The following KIF26B variants were observed in gnomAD, a reference collection of about 807,000 sequenced individuals.
KIF26B encodes the protein kinesin-like protein KIF26B.
A neutral mutation model predicts 151.2 loss-of-function variants in KIF26B; 63 were observed. That is an observed-to-expected ratio of 0.42 (90% CI 0.34 to 0.51). KIF26B has a LOEUF of 0.51. Ranked by LOEUF, KIF26B falls within the 20% of genes least tolerant of loss-of-function variation. The pLI is 0.07. For missense variants in KIF26B, 2,813 were observed against 2,913.6 expected (o/e 0.97, Z 0.79); for synonymous variants, 1,357 against 1,262.1 (o/e 1.08, Z -1.59).
At chr1:245,322,106 C>A (rs1165593899) in intron 2 of KIF26B, among the ~76,000 whole-genome samples, 1 of 152,096 alleles carries the variant, frequency 6.6e-6, no homozygotes, top group African/African-American at 2.4e-5. Context: ...TCATTCTCAA[C>A]AAACTAACAC....
rs115038512 is a variant in KIF26B at position 245,299,401 on chromosome 1, G to A, written c.466-67433G>A. On this transcript the variant is annotated intron_variant, in intron 2 of 14. Coordinates refer to ENST00000407071, the MANE Select transcript of KIF26B (RefSeq NM_018012.4). ...AGGATAAAGGATAATTTCTGATGTC[G>A]TGCCAGCTTTTCCTCACCCAGCTGA... Among the ~76,000 whole-genome samples, 1,411 of 144,628 alleles carry A rather than the reference G, an allele frequency of 9.8e-3. 28 individuals carry two copies. Among genetic ancestry groups the A allele is most frequent in the African/African-American group, 0.034 (1,322 of 38,742 alleles). 94.9% of individuals were successfully genotyped at this position (144,628 alleles called of 152,430 possible).
At chr1:245,365,087 C>A (rs1179798498) in intron 2 of KIF26B, among the ~76,000 whole-genome samples, 2 of 152,200 alleles carry the variant, frequency 1.3e-5, no homozygotes, top group African/African-American at 4.8e-5. Flanking sequence ...CCCTCTGGGA[C>A]CTGTTTTTCT....
At chr1:245,360,885 A>G (rs1672803704) in intron 2 of KIF26B, among the ~76,000 whole-genome samples, 1 of 152,114 alleles carries the variant, frequency 6.6e-6, no homozygotes, top group African/African-American at 2.4e-5. Context: ...GTGGCGGTGA[A>G]CGCCTGTAGT....
chr1:245,361,991 G>T (rs1672829440), intron 2 of KIF26B, among the ~76,000 whole-genome samples: 1 of 151,624 alleles, frequency 6.6e-6, no homozygotes, highest in Admixed American at 6.6e-5. Context: ...GCTTCCCTCT[G>T]CGGTGGTCGT....
At chr1:245,364,948 A>G (rs911101314) in intron 2 of KIF26B, among the ~76,000 whole-genome samples, 1 of 152,200 alleles carries the variant, frequency 6.6e-6, no homozygotes, top group Admixed American at 6.5e-5. Context: ...TTCCTAGTGA[A>G]AACATGGGGC....
At position 245,698,944 on chromosome 1, in the gene KIF26B, G is replaced by C; in HGVS notation, c.6085G>C (p.Ala2029Pro). 6.2e-7 allele frequency: 1 copy of C among 1,614,018 alleles called. No homozygotes were observed. Among genetic ancestry groups the C allele is most frequent in the Non-Finnish European group, 8.5e-7 (1 of 1,179,886 alleles). ...KILEHRQQRI[A>P]EVRAKYEWLM... ...TCTGGAACACCGCCAGCAGAGGATCGCCGAGGTCCGCGCGAAGTACGAGTG... is the reference window on the plus strand; with the variant it reads ...TCTGGAACACCGCCAGCAGAGGATCCCCGAGGTCCGCGCGAAGTACGAGTG... The change falls in exon 14 of 15, where the codon GCC (alanine) becomes CCC (proline). Residue 2029 changes from alanine to proline, a missense_variant. Around this residue, in one of 3 missense-constraint regions of KIF26B, gnomAD observed 2,060 missense variants for 2,088.6 expected, o/e 0.99. Transcript: ENST00000407071. The surrounding 1 kb of genome is among the most constrained non-coding windows in gnomAD (Gnocchi z 4.0).
intron 2 of KIF26B, among the ~76,000 whole-genome samples, chr1:245,362,917 A>G (rs1487561939): frequency 6.6e-6 from 1 of 152,220 alleles, no homozygotes; most frequent in Non-Finnish European, 1.5e-5. Context: ...AAGTGCCAAT[A>G]AAAATTGGGA....
chr1:245,612,915 G>T (rs183841014), intron 9 of KIF26B, among the ~76,000 whole-genome samples: 18 of 152,234 alleles, frequency 1.2e-4, no homozygotes, highest in Non-Finnish European at 2.4e-4. Context: ...CCGGGCTGGG[G>T]TGCAATTCTC....
At chr1:245,688,839 G>A (rs754293130) in intron 12 of KIF26B, 32 bp downstream of exon 12, 1 of 1,535,124 alleles carries the variant, frequency 6.5e-7, no homozygotes, top group East Asian at 2.3e-5. Context: ...CGCGGGTGAG[G>A]AGGGCGGCAG....
intron 3 of KIF26B, among the ~76,000 whole-genome samples, chr1:245,418,422 C>T (rs1026174809): frequency 6.6e-6 from 1 of 152,134 alleles, no homozygotes; most frequent in African/African-American, 2.4e-5. Flanking sequence ...TGAATTTAAG[C>T]GGAGCAAAGT....
intron 9 of KIF26B, among the ~76,000 whole-genome samples, chr1:245,638,258 G>C (rs1401255065): frequency 6.6e-6 from 1 of 151,674 alleles, no homozygotes; most frequent in Non-Finnish European, 1.5e-5. Context: ...TGTTGTGATT[G>C]CTTTCTTGAT....
At position 245,702,171 on chromosome 1, in the gene KIF26B, C is replaced by CCTGGATCCTCCATGG. The variant is rs1361423363; in HGVS notation, c.6179-281_6179-267dup. On this transcript the variant is annotated intron_variant, in intron 14 of 14. Transcript: ENST00000407071. This position sits in a 1 kb window ranked among gnomAD's most constrained non-coding sequence, Gnocchi z 4.1. ...GCGTCTCTCAAATCCTGGGATCCAT[C>CCTGGATCCTCCATGG]CTGGATCCTCCATGGCTGGAGGTAG... Among the ~76,000 whole-genome samples, 56 of 152,284 alleles carry CCTGGATCCTCCATGG rather than the reference C, an allele frequency of 3.7e-4. No homozygotes were observed. Among genetic ancestry groups the CCTGGATCCTCCATGG allele is most frequent in the African/African-American group, 1.1e-3 (46 of 41,544 alleles).
chr1:245,584,474 A>G (rs1485564637), intron 5 of KIF26B, among the ~76,000 whole-genome samples: 1 of 152,192 alleles, frequency 6.6e-6, no homozygotes, highest in Non-Finnish European at 1.5e-5. Context: ...TGTTGAATGG[A>G]AGTGCTAAAG....
At chr1:245,550,304 C>T (rs527432915) in intron 5 of KIF26B, among the ~76,000 whole-genome samples, 1 of 152,216 alleles carries the variant, frequency 6.6e-6, no homozygotes, top group Non-Finnish European at 1.5e-5. Context: ...TCGCTGAAAT[C>T]GGTGATGGTA....
chr1:245,442,730 A>G (rs1659138531), intron 4 of KIF26B, among the ~76,000 whole-genome samples: 1 of 150,466 alleles, frequency 6.6e-6, no homozygotes, highest in Non-Finnish European at 1.5e-5. Flanking sequence ...GTTCACCTAG[A>G]GCTGTCATCT....
intron 12 of KIF26B, among the ~76,000 whole-genome samples, chr1:245,695,225 T>C (rs2044676512): frequency 6.6e-6 from 1 of 152,186 alleles, no homozygotes; most frequent in Non-Finnish European, 1.5e-5. Context: ...GGTCAGTCTT[T>C]CTTTGCCCAG....
intron 2 of KIF26B, among the ~76,000 whole-genome samples, chr1:245,360,441 C>A (rs1672791957): frequency 6.6e-6 from 1 of 152,168 alleles, no homozygotes; most frequent in Non-Finnish European, 1.5e-5. Flanking sequence ...ATAATTACTA[C>A]CACTTATTCA....
intron 2 of KIF26B, among the ~76,000 whole-genome samples, chr1:245,315,382 GGAGTTT>G (rs1671747202): frequency 1.3e-5 from 2 of 151,894 alleles, no homozygotes; most frequent in South Asian, 4.2e-4. Flanking sequence ...CTTGAGCCTA[GGAGTTT>G]GAGACCAGGC....
intron 4 of KIF26B, among the ~76,000 whole-genome samples, chr1:245,451,906 T>C (rs1324997291): frequency 6.6e-6 from 1 of 152,164 alleles, no homozygotes; most frequent in East Asian, 1.9e-4. Flanking sequence ...GGCTAAGATC[T>C]ATCTTTTTAA....
Sources: allele counts gnomAD v4.1 joint callset (sites outside exome capture counted in the v4.1 genomes callset), GRCh38; gene constraint gnomAD v4.1.1; regional missense constraint gnomAD v4.1.1; non-coding constraint Gnocchi (gnomAD v3.1); transcripts MANE v1.5; gene names NCBI Gene and HGNC (gene_info 2026-07-23, HGNC 2026-07-21).